DISC1: variants seen among roughly 807,000 people sequenced by gnomAD.
DISC1 encodes DISC1 scaffold protein, also known as disrupted in schizophrenia 1 protein.
DISC1 carries 57 observed loss-of-function variants against 84.5 expected under a neutral mutation model. The ratio of observed to expected loss-of-function variants is 0.67; its 90% CI spans 0.55 to 0.84. DISC1 has a LOEUF of 0.84. Ranked by LOEUF, DISC1 falls within the 40% of genes least tolerant of loss-of-function variation. The pLI, the probability that DISC1 is intolerant of heterozygous loss-of-function variation, is 0.00. For missense variants in DISC1, 1,000 were observed against 1,057.8 expected (o/e 0.95, Z 0.76); for synonymous variants, 411 against 415.2 (o/e 0.99, Z 0.12).
At chr1:231,944,420 G>A (rs1256262327) in intron 9 of DISC1, among the ~76,000 whole-genome samples, 1 of 152,218 alleles carries the variant, frequency 6.6e-6, no homozygotes, top group Non-Finnish European at 1.5e-5. Flanking sequence ...AGGCATAAAA[G>A]CCTTGTCCCT....
chr1:231,844,635 T>A (rs1259888432), intron 9 of DISC1, among the ~76,000 whole-genome samples: 1 of 152,010 alleles, frequency 6.6e-6, no homozygotes, highest in African/African-American at 2.4e-5. Context: ...GTTTAAAAAT[T>A]TTCTGATTGG....
chr1:231,733,168 G>GTGA (rs1238407116), intron 3 of DISC1, among the ~76,000 whole-genome samples: 10 of 151,990 alleles, frequency 6.6e-5, no homozygotes, highest in African/African-American at 2.4e-4. Flanking sequence ...GATGGTAGGA[G>GTGA]TGGTGGTGAT....
At chr1:232,025,649 T>G (rs1009193464) in intron 11 of DISC1, among the ~76,000 whole-genome samples, 6 of 147,160 alleles carry the variant, frequency 4.1e-5, no homozygotes, top group African/African-American at 1.5e-4. Context: ...CAGGCTGGAG[T>G]GCAGTGGTGC....
At chr1:231,631,769 A>G (rs115853275) in intron 1 of DISC1, among the ~76,000 whole-genome samples, 1 of 151,988 alleles carries the variant, frequency 6.6e-6, no homozygotes, top group South Asian at 2.1e-4. Flanking sequence ...TATTATATAT[A>G]AAGTAAAAAA....
At chr1:231,979,071 A>C (rs1284422720) in intron 10 of DISC1, among the ~76,000 whole-genome samples, 1 of 152,000 alleles carries the variant, frequency 6.6e-6, no homozygotes, top group Non-Finnish European at 1.5e-5. Flanking sequence ...TAGGAGCCTG[A>C]ACCCTATTGT....
rs371178404 is a variant in DISC1, at chr1:231,780,118, G to A, written c.1634+9048G>A. 3.1e-4 allele frequency among the ~76,000 whole-genome samples: 47 copies of A among 151,988 alleles called. No individual in the cohort carries two copies. In the East Asian group the frequency reaches 7.9e-3, roughly 26 times the overall value. On this transcript the variant is annotated intron_variant, in intron 6 of 12. Coordinates refer to ENST00000439617, the MANE Select transcript of DISC1 (RefSeq NM_018662.3). ...GGGGGGAGGGGCGAGGGATAGCATT[G>A]GGAGATATACCTAATGCTAGATGAC...
chr1:231,893,971 G>A (rs2087465140), intron 9 of DISC1, among the ~76,000 whole-genome samples: 1 of 152,194 alleles, frequency 6.6e-6, no homozygotes, highest in African/African-American at 2.4e-5. Context: ...GGATAGAGCA[G>A]TTTACCACAT....
At chr1:231,935,821 A>G (rs1010368469) in intron 9 of DISC1, among the ~76,000 whole-genome samples, 1 of 152,240 alleles carries the variant, frequency 6.6e-6, no homozygotes, top group Non-Finnish European at 1.5e-5. Context: ...CATGCAAAAT[A>G]GAATTTTCCA....
chr1:231,733,530 A>T (rs1427046454), intron 3 of DISC1, among the ~76,000 whole-genome samples: 2 of 32,270 alleles, frequency 6.2e-5, no homozygotes, highest in African/African-American at 1.7e-4. Flanking sequence ...TGGTAGTTGT[A>T]GTGGTGATGA....
intron 6 of DISC1, among the ~76,000 whole-genome samples, chr1:231,783,440 T>C (rs1229357405): frequency 6.6e-6 from 1 of 152,214 alleles, no homozygotes; most frequent in Non-Finnish European, 1.5e-5. Context: ...TTTTCATTAT[T>C]AAACCACCAA....
At chr1:231,943,448 A>C (rs2091456816) in intron 9 of DISC1, among the ~76,000 whole-genome samples, 2 of 152,210 alleles carry the variant, frequency 1.3e-5, no homozygotes, top group Non-Finnish European at 2.9e-5. Flanking sequence ...TCTGGAGTAT[A>C]GGGGGTGTCC....
At chr1:231,682,803 A>G (rs1426069457) in intron 1 of DISC1, among the ~76,000 whole-genome samples, 1 of 152,260 alleles carries the variant, frequency 6.6e-6, no homozygotes, top group African/African-American at 2.4e-5. Context: ...ATATTGGTGC[A>G]ATGAACTAAA....
intron 1 of DISC1, among the ~76,000 whole-genome samples, chr1:231,673,369 C>T (rs1456210381): frequency 3.3e-5 from 5 of 152,014 alleles, no homozygotes; most frequent in African/African-American, 1.2e-4. Flanking sequence ...GGCTGGAGTG[C>T]AGTGGCTATT....
At chr1:231,749,542 G>T (rs1350078824) in intron 3 of DISC1, among the ~76,000 whole-genome samples, 1 of 151,812 alleles carries the variant, frequency 6.6e-6, no homozygotes, top group African/African-American at 2.4e-5. Context: ...TCAAAACTTG[G>T]GCACTGATTT....
Position 231,909,398 on chromosome 1 carries a change from C to T in DISC1, c.1982-49430C>T, listed in dbSNP as rs193057130. 1.6e-3 allele frequency among the ~76,000 whole-genome samples: 244 copies of T among 152,270 alleles called. 3 individuals are homozygous for T. Among genetic ancestry groups the T allele is most frequent in the Admixed American group, 9.1e-3 (139 of 15,286 alleles). ...AGCATGAAGGGCTGTTGAATTTTGTCGAAGGCCTTTTCTGCATCTATTGAG... is the reference window on the plus strand; with the variant it reads ...AGCATGAAGGGCTGTTGAATTTTGTTGAAGGCCTTTTCTGCATCTATTGAG... On this transcript the variant is annotated intron_variant, in intron 9 of 12. Transcript: ENST00000439617.
chr1:231,733,178 T>C (rs2071824814), intron 3 of DISC1, among the ~76,000 whole-genome samples: 1 of 149,606 alleles, frequency 6.7e-6, no homozygotes, highest in Non-Finnish European at 1.5e-5. Context: ...GTGGTGGTGA[T>C]GTTTACTTGG....
intron 9 of DISC1, among the ~76,000 whole-genome samples, chr1:231,939,149 C>T (rs2091155550): frequency 6.6e-6 from 1 of 152,184 alleles, no homozygotes; most frequent in African/African-American, 2.4e-5. Flanking sequence ...AATGTCAGCA[C>T]ATATGTGTTT....
rs116278112 is a variant in DISC1 at position 231,702,094 on chromosome 1, C to T, written c.1117+70C>T. 2.3e-4 allele frequency: 355 copies of T among 1,548,510 alleles called. 1 individual carries two copies. The African/African-American group carries it at 4.6e-3, about 20-fold the overall frequency. On this transcript the variant is annotated intron_variant, in intron 3 of 12. Transcript: ENST00000439617. ...ATTTTCTTTCCATCTTTACTCATATCTACCTTTTGAATCCCAAAAGAATTG... is the reference window on the plus strand; with the variant it reads ...ATTTTCTTTCCATCTTTACTCATATTTACCTTTTGAATCCCAAAAGAATTG...
At chr1:231,800,015 T>C in intron 7 of DISC1, 93 bp from the exon 8 acceptor site, 3 of 909,716 alleles carry the variant, frequency 3.3e-6, no homozygotes, top group Non-Finnish European at 5.3e-6. Flanking sequence ...TTTTAATTAC[T>C]TACAAACCCA....
Sources: gnomAD v4.1 joint callset for allele counts (sites outside exome capture counted in the v4.1 genomes callset) on GRCh38, gnomAD v4.1.1 for gene constraint, MANE v1.5 for transcripts, NCBI Gene and HGNC (gene_info 2026-07-23, HGNC 2026-07-21) for gene names.